The following LIG1 variants were observed in gnomAD, a reference collection of about 807,000 sequenced individuals.
LIG1 encodes DNA ligase 1, also known as ligase I, DNA, ATP-dependent.
In LIG1, 70 loss-of-function variants were observed where a neutral mutation model predicts 115.7. The ratio of observed to expected loss-of-function variants is 0.60; its 90% confidence interval spans 0.50 to 0.74. LIG1 has a LOEUF of 0.74. LIG1 is among the 30% of genes least tolerant of loss of function. LIG1 has a pLI of 0.00. For missense variants in LIG1, 1,115 were observed against 1,225.6 expected (o/e 0.91, Z 1.35); for synonymous variants, 487 against 495.3 (o/e 0.98, Z 0.22).
intron 11 of LIG1, among the ~76,000 whole-genome samples, chr19:48,141,736 G>A (rs1259802327): frequency 6.6e-6 from 1 of 152,178 alleles, no homozygotes; most frequent in Admixed American, 6.5e-5. Flanking sequence ...CAGAAGCTGG[G>A]TTTTTCCTAC....
intron 21 of LIG1, among the ~76,000 whole-genome samples, chr19:48,123,829 C>A (rs1384640974): frequency 6.7e-6 from 1 of 149,840 alleles, no homozygotes; most frequent in Non-Finnish European, 1.5e-5. Context: ...TGAGCCACTG[C>A]ATCCAGCCTC....
intron 16 of LIG1, among the ~76,000 whole-genome samples, chr19:48,135,040 T>C (rs2034290377): frequency 6.6e-6 from 1 of 152,236 alleles, no homozygotes; most frequent in Admixed American, 6.5e-5. Context: ...CTTCACCATG[T>C]GTCAGTCACC....
intron 19 of LIG1, among the ~76,000 whole-genome samples, chr19:48,129,201 C>T (rs34884434): frequency 0.15 from 22,378 of 151,612 alleles, 2,704 homozygotes; most frequent in African/African-American, 0.33. Context: ...TACAAGAGCA[C>T]GCCACCACAT....
chr19:48,156,685 G>A (rs1377452996), intron 5 of LIG1, among the ~76,000 whole-genome samples: 3 of 151,982 alleles, frequency 2.0e-5, no homozygotes, highest in African/African-American at 4.8e-5. Flanking sequence ...GCTCACGCCT[G>A]TAATCCCAGC....
chr19:48,126,517 A>G (rs2033677577), intron 21 of LIG1, among the ~76,000 whole-genome samples: 1 of 151,890 alleles, frequency 6.6e-6, no homozygotes, highest in African/African-American at 2.4e-5. Flanking sequence ...GAGGCAGGAG[A>G]ATCACTTGAA....
At chr19:48,159,901 T>C (rs1370597995) in intron 4 of LIG1, among the ~76,000 whole-genome samples, 2 of 152,028 alleles carry the variant, frequency 1.3e-5, no homozygotes, top group African/African-American at 2.4e-5. Context: ...GTATTTTTGA[T>C]AGAGACATGG....
Position 48,170,343 on chromosome 19 carries a change from C to T in LIG1, c.-160G>A. 2.3e-6 allele frequency: 1 copy of T among 436,702 alleles called. No individual in the cohort carries two copies. Among genetic ancestry groups the T allele is most frequent in the Non-Finnish European group, 4.6e-6 (1 of 217,446 alleles). The allele number at this position is 436,702 out of a possible 1,614,324, so 27.1% of individuals were successfully genotyped here. A position where few individuals can be genotyped will look rare whatever the true frequency, so the allele number is the denominator to read the frequency against. ...CGCCACGGCATTCGCGCGCAGACGT[C>T]TGCGGGCGGGGGCGGGGCAGAGCCT... On this transcript the variant is annotated 5_prime_UTR_variant, in exon 1 of 28. Coordinates refer to ENST00000263274, the MANE Select transcript of LIG1 (RefSeq NM_000234.3).
At chr19:48,167,832 A>AC (rs2036560490) in intron 1 of LIG1, among the ~76,000 whole-genome samples, 1 of 150,294 alleles carries the variant, frequency 6.7e-6, no homozygotes, top group Non-Finnish European at 1.5e-5. Context: ...TCTTAAAAAA[A>AC]AAAAAAAAAA....
chr19:48,163,393 T>A (rs902459161), intron 2 of LIG1, among the ~76,000 whole-genome samples: 4 of 151,986 alleles, frequency 2.6e-5, no homozygotes, highest in African/African-American at 9.7e-5. Context: ...GGCTAATTTT[T>A]TTCATTTAGT....
chr19:48,167,134 T>A (rs1340949020), intron 1 of LIG1, among the ~76,000 whole-genome samples: 2 of 151,046 alleles, frequency 1.3e-5, no homozygotes, highest in African/African-American at 4.8e-5. Context: ...ACTGAGCCTT[T>A]CCTTCCATTA....
At position 48,153,551 on chromosome 19, in the gene LIG1, G is replaced by A. The variant is rs528104080; in HGVS notation, c.466+321C>T. Among the ~76,000 whole-genome samples the A allele has an allele frequency of 3.2e-4, 48 of 151,674 alleles. No individual in the cohort carries two copies. The South Asian group carries it at 6.5e-3, about 20-fold the overall frequency. On this transcript the variant is annotated intron_variant, in intron 6 of 27. Coordinates refer to ENST00000263274, the MANE Select transcript of LIG1 (RefSeq NM_000234.3). ...AACAAAAGTTCCCATATTGGTAGGT[G>A]GAATTCCTGGATGCCTGGACACAGG...
At chr19:48,160,481 G>A (rs1216581770) in intron 4 of LIG1, among the ~76,000 whole-genome samples, 1 of 152,188 alleles carries the variant, frequency 6.6e-6, no homozygotes, top group Non-Finnish European at 1.5e-5. Context: ...AGCAGCAGGA[G>A]GGGCCTGGGA....
chr19:48,131,005 A>T, intron 19 of LIG1, 71 bp downstream of exon 19: 1 of 1,240,890 alleles, frequency 8.1e-7, no homozygotes, highest in African/African-American at 1.5e-5. Context: ...ACACTGGCCT[A>T]GATGGGCCTC....
rs767020971 is a variant in LIG1, at chr19:48,123,328, C to A, written c.2005-10G>T. On this transcript the variant is annotated splice_polypyrimidine_tract_variant and intron_variant, in intron 21 of 27. Coordinates refer to ENST00000263274, the MANE Select transcript of LIG1 (RefSeq NM_000234.3). ...GCTCACGTACCAGGGACTGCAGGGC[C>A]GGCAGGGAGAAGAGAGATGAGACAT... 1.2e-6 allele frequency: 2 copies of A among 1,612,308 alleles called. No homozygotes were observed. The highest frequency in any genetic ancestry group is 2.2e-5 in the South Asian group (2 of 91,070).
chr19:48,133,345 T>C, intron 17 of LIG1: 5 of 531,112 alleles, frequency 9.4e-6, no homozygotes, highest in Non-Finnish European at 1.7e-5. Context: ...CTCACATCCT[T>C]GCAAGGAATC....
At position 48,157,048 on chromosome 19, in the gene LIG1, G is replaced by A; in HGVS notation, c.336C>T (p.Asp112=). ...GCTTCGGAATCCCTGATGGGGAACT[G>A]TCCATGGGAGAGGTGTCAGAGAGGG... ...NASLSDTSPM[D]SSPSGIPKRR... is the part of the protein sequence containing the mutation. Residue 112 remains aspartate, a synonymous_variant, in exon 5 of 28, where the codon GAC becomes GAT. Transcript: ENST00000263274. The A allele has an allele frequency of 1.9e-6, 3 of 1,612,022 alleles. No individual in the cohort carries two copies. The highest frequency in any genetic ancestry group is 2.2e-5 in the South Asian group (2 of 91,054).
rs745397628 is a variant in LIG1 at position 48,151,234 on chromosome 19, G to A, written c.572C>T (p.Ser191Phe). The A allele has an allele frequency of 6.2e-7, 1 of 1,607,704 alleles. No individual in the cohort carries two copies. The highest frequency in any genetic ancestry group is 8.5e-7 in the Non-Finnish European group (1 of 1,174,328). ...PTTPPKPLKT[S>F]KAETPTESVS... is the part of the protein sequence containing the mutation. ...GGAGGAGAGGACCAGAAACTCACTGGAGGTCTTTAGGGGCTTGGGAGGCGT... is the reference window on the plus strand; with the variant it reads ...GGAGGAGAGGACCAGAAACTCACTGAAGGTCTTTAGGGGCTTGGGAGGCGT... The change falls in exon 7 of 28, where the codon TCC (serine) becomes TTC (phenylalanine). Residue 191 changes from serine to phenylalanine, a missense_variant and splice_region_variant. Transcript: ENST00000263274.
At chr19:48,129,295 C>A (rs2033867588) in intron 19 of LIG1, among the ~76,000 whole-genome samples, 1 of 152,226 alleles carries the variant, frequency 6.6e-6, no homozygotes, top group Admixed American at 6.5e-5. Context: ...AAGTGATTCA[C>A]CCGCCTTGCC....
intron 10 of LIG1, 59 bp from the exon 11 acceptor site, chr19:48,143,658 T>A: frequency 7.0e-7 from 1 of 1,431,196 alleles, no homozygotes; most frequent in Non-Finnish European, 9.9e-7. Flanking sequence ...ATGCTGCCCG[T>A]CTGCACCCTT....
Sources: gnomAD v4.1 joint callset for allele counts (sites outside exome capture counted in the v4.1 genomes callset) on GRCh38, gnomAD v4.1.1 for gene constraint, MANE v1.5 for transcripts, NCBI Gene and HGNC (gene_info 2026-07-23, HGNC 2026-07-21) for gene names.